The following POPDC1 variants were observed in gnomAD, a reference collection of about 807,000 sequenced individuals.
POPDC1 encodes popeye domain cAMP effector 1.
the POPDC1 span, among the ~76,000 whole-genome samples, chr6:105,130,915 A>T: frequency 6.6e-6 from 1 of 152,140 alleles, no homozygotes; most frequent in African/African-American, 2.4e-5. Context: ...CATTTCCATG[A>T]TTACTGGTGA....
chr6:105,127,344 C>G, the POPDC1 span, among the ~76,000 whole-genome samples: 1 of 152,172 alleles, frequency 6.6e-6, no homozygotes, highest in Non-Finnish European at 1.5e-5. Flanking sequence ...TTCTGACATT[C>G]AGAAAATGCA....
At chr6:105,130,565 C>G in the POPDC1 span, among the ~76,000 whole-genome samples, 1 of 152,126 alleles carries the variant, frequency 6.6e-6, no homozygotes, top group Non-Finnish European at 1.5e-5. Context: ...AGTCATGTGT[C>G]ACTTAATGAC....
the POPDC1 span, chr6:105,129,457 C>T: frequency 6.2e-7 from 1 of 1,612,662 alleles, no homozygotes; most frequent in Non-Finnish European, 8.5e-7. Context: ...TCATTATATC[C>T]AAGGCACATC....
chr6:105,101,231 A>T, the POPDC1 span: 1 of 1,595,832 alleles, frequency 6.3e-7, no homozygotes, highest in Non-Finnish European at 8.5e-7. Flanking sequence ...AAGATACAGG[A>T]GGGAAAACCA....
the POPDC1 span, among the ~76,000 whole-genome samples, chr6:105,114,044 G>A: frequency 2.0e-5 from 3 of 152,014 alleles, no homozygotes; most frequent in Non-Finnish European, 4.4e-5. Flanking sequence ...ATATTAAAAG[G>A]AAAACAACAT....
At chr6:105,118,242 C>T in the POPDC1 span, among the ~76,000 whole-genome samples, 1 of 152,120 alleles carries the variant, frequency 6.6e-6, no homozygotes, top group Admixed American at 6.5e-5. Flanking sequence ...TGTACATCTA[C>T]CAAGACAGAA....
chr6:105,114,196 T>G, the POPDC1 span, among the ~76,000 whole-genome samples: 2 of 152,222 alleles, frequency 1.3e-5, 1 homozygote, highest in South Asian at 4.1e-4. Context: ...TATAAACTGT[T>G]TAATTGCTTC....
chr6:105,124,715 A>C, the POPDC1 span: 1 of 1,183,690 alleles, frequency 8.4e-7, no homozygotes, highest in Non-Finnish European at 1.2e-6. Flanking sequence ...GATAATCCTT[A>C]AAACTGCTAT....
chr6:105,101,083 C>A, the POPDC1 span: 1 of 1,602,876 alleles, frequency 6.2e-7, no homozygotes, highest in Non-Finnish European at 8.5e-7. Context: ...TGAATTCTCT[C>A]TCTGATCAAG....
the POPDC1 span, among the ~76,000 whole-genome samples, chr6:105,134,201 C>T: frequency 0.71 from 108,316 of 151,740 alleles, 42,251 homozygotes; most frequent in East Asian, 0.87. Context: ...TTTATATATA[C>T]ACAGAGAGAT....
At chr6:105,123,590 C>T in the POPDC1 span, among the ~76,000 whole-genome samples, 4 of 151,984 alleles carry the variant, frequency 2.6e-5, no homozygotes, top group Admixed American at 1.3e-4. Flanking sequence ...TTAGTAGAGA[C>T]GGGGTTTCAC....
the POPDC1 span, among the ~76,000 whole-genome samples, chr6:105,132,695 A>G: frequency 6.6e-6 from 1 of 152,254 alleles, no homozygotes; most frequent in Admixed American, 6.5e-5. Context: ...ACTGGCTAAT[A>G]TAACAGATTC....
the POPDC1 span, chr6:105,115,943 T>A: frequency 1.0e-6 from 1 of 961,942 alleles, no homozygotes; most frequent in Non-Finnish European, 1.5e-6. Context: ...AAAGAATACC[T>A]GATACATATT....
chr6:105,126,494 G>T, the POPDC1 span, among the ~76,000 whole-genome samples: 1 of 151,530 alleles, frequency 6.6e-6, no homozygotes, highest in South Asian at 2.1e-4. Flanking sequence ...GGGAAGATCC[G>T]CACTATTCAT....
chr6:105,133,307 G>A, the POPDC1 span: 2 of 1,475,070 alleles, frequency 1.4e-6, no homozygotes, highest in Non-Finnish European at 1.9e-6. Context: ...CCCATCTTAT[G>A]TCAGTTACAG....
At chr6:105,129,165 G>A in the POPDC1 span, among the ~76,000 whole-genome samples, 3 of 152,070 alleles carry the variant, frequency 2.0e-5, no homozygotes, top group African/African-American at 2.4e-5. Flanking sequence ...ATATGCTAAT[G>A]ATTTTTAAAG....
At chr6:105,132,001 C>G in the POPDC1 span, among the ~76,000 whole-genome samples, 13 of 146,644 alleles carry the variant, frequency 8.9e-5, no homozygotes, top group African/African-American at 1.5e-4. Context: ...GAGTCTAGCT[C>G]TGTCGCCAGG....
the POPDC1 span, among the ~76,000 whole-genome samples, chr6:105,107,655 C>T: frequency 5.9e-5 from 9 of 152,258 alleles, no homozygotes; most frequent in East Asian, 3.9e-4. Context: ...ACTTTAATGA[C>T]GTTTTCTCCA....
the POPDC1 span, among the ~76,000 whole-genome samples, chr6:105,106,480 G>A: frequency 0.77 from 117,186 of 152,182 alleles, 47,487 homozygotes; most frequent in Non-Finnish European, 0.88. Flanking sequence ...ACAGCAGCGA[G>A]AGTCCTGAGC....
Sources: allele counts gnomAD v4.1 joint callset (sites outside exome capture counted in the v4.1 genomes callset), GRCh38; gene constraint gnomAD v4.1.1; transcripts MANE v1.5; gene names NCBI Gene and HGNC (gene_info 2026-07-23, HGNC 2026-07-21).